Variants in MTX2 observed in about 807,000 individuals in gnomAD.
The protein encoded by MTX2 is metaxin 2, also known as metaxin-2.
MTX2 carries 35 observed loss-of-function variants against 42.3 expected under a neutral mutation model. The ratio of observed to expected loss-of-function variants is 0.83; its 90% CI spans 0.63 to 1.10. MTX2 has a LOEUF of 1.10. Among genes scored for constraint, MTX2 ranks in the 50% least tolerant of loss-of-function variants. The probability of loss-of-function intolerance (pLI) is 0.00; values close to 1 mark genes in which losing one functional copy is unlikely to be tolerated. For missense variants in MTX2, 307 were observed against 304.1 expected (o/e 1.01, Z -0.07); for synonymous variants, 119 against 100.9 (o/e 1.18, Z -1.08).
Position 176,281,963 on chromosome 2 carries a change from A to G in MTX2, c.40+12294A>G, listed in dbSNP as rs138074820. Among the ~76,000 whole-genome samples, 487 of 152,242 alleles carry G rather than the reference A, an allele frequency of 3.2e-3. 6 individuals are homozygous for G. The East Asian group carries it at 0.036, about 11-fold the overall frequency. On this transcript the variant is annotated intron_variant, in intron 1 of 9. Transcript: ENST00000249442. The stretch of plus-strand genomic sequence containing the variant: ...GGAGATAAGACAAGTATAGTTTTCA[A>G]ATACTCTGTAGATCATTTGTCTGTG...
Position 176,282,019 on chromosome 2 carries a change from G to A in MTX2, c.40+12350G>A, listed in dbSNP as rs1057451577. Among the ~76,000 whole-genome samples the A allele has an allele frequency of 9.2e-5, 14 of 151,774 alleles. No individual in the cohort carries two copies. The South Asian group carries it at 1.2e-3, about 14-fold the overall frequency. ...TTGATTAGGAACCACTGAATGATTC[G>A]GAGAGAAAGTGAATTCTTGAGTTTA... is the stretch of plus-strand genomic sequence containing the variant. On this transcript the variant is annotated intron_variant, in intron 1 of 9. Coordinates refer to ENST00000249442, the MANE Select transcript of MTX2 (RefSeq NM_006554.5).
intron 3 of MTX2, among the ~76,000 whole-genome samples, chr2:176,298,801 CTG>C (rs1230968749): frequency 6.6e-6 from 1 of 152,082 alleles, no homozygotes; most frequent in African/African-American, 2.4e-5. Flanking sequence ...TTTGAAGGCA[CTG>C]TGAATATTTT....
chr2:176,323,714 A>G (rs1016829708), intron 4 of MTX2, among the ~76,000 whole-genome samples: 1 of 151,786 alleles, frequency 6.6e-6, no homozygotes, highest in Non-Finnish European at 1.5e-5. Flanking sequence ...GAATTGTTTT[A>G]AATAGTAAAT....
At chr2:176,278,035 A>T (rs910628823) in intron 1 of MTX2, among the ~76,000 whole-genome samples, 2 of 145,712 alleles carry the variant, frequency 1.4e-5, no homozygotes, top group Admixed American at 7.0e-5. Flanking sequence ...GAATAGGTTG[A>T]AACTGGTTTT....
chr2:176,291,732 C>G (rs1042510472), intron 1 of MTX2, among the ~76,000 whole-genome samples: 3 of 152,064 alleles, frequency 2.0e-5, no homozygotes, highest in African/African-American at 7.2e-5. Context: ...TATGCAACTG[C>G]ACAGGTTACA....
chr2:176,308,528 T>G (rs1383244896), intron 3 of MTX2, among the ~76,000 whole-genome samples: 1 of 152,072 alleles, frequency 6.6e-6, no homozygotes, highest in African/African-American at 2.4e-5. Flanking sequence ...TCCTGGACGT[T>G]TTTTGGTTGG....
intron 1 of MTX2, among the ~76,000 whole-genome samples, chr2:176,293,199 C>T (rs1016348891): frequency 1.3e-5 from 2 of 152,146 alleles, no homozygotes; most frequent in East Asian, 1.9e-4. Context: ...CTTTTTCCCA[C>T]TCCAGGGATT....
intron 9 of MTX2, among the ~76,000 whole-genome samples, chr2:176,336,451 AC>A (rs1281512813): frequency 6.6e-6 from 1 of 152,130 alleles, no homozygotes; most frequent in African/African-American, 2.4e-5. Context: ...TGGTCCTATC[AC>A]CACAGCGAAA....
intron 1 of MTX2, among the ~76,000 whole-genome samples, chr2:176,285,116 A>G (rs568949536): frequency 6.6e-6 from 1 of 152,354 alleles, no homozygotes; most frequent in East Asian, 1.9e-4. Flanking sequence ...CACTGACTGT[A>G]GAGCAACACT....
intron 3 of MTX2, among the ~76,000 whole-genome samples, chr2:176,322,301 A>T (rs1684604242): frequency 6.6e-6 from 1 of 152,160 alleles, no homozygotes; most frequent in African/African-American, 2.4e-5. Context: ...AAGGAATTAT[A>T]ATAAACCTAT....
intron 3 of MTX2, among the ~76,000 whole-genome samples, chr2:176,315,794 G>A (rs111775491): frequency 8.1e-4 from 123 of 152,246 alleles, no homozygotes; most frequent in African/African-American, 2.9e-3. Flanking sequence ...GCCTGCTTCA[G>A]GTGTTTAAAC....
At chr2:176,278,842 G>A (rs1693011728) in intron 1 of MTX2, among the ~76,000 whole-genome samples, 1 of 151,956 alleles carries the variant, frequency 6.6e-6, no homozygotes, top group Admixed American at 6.6e-5. Context: ...TGCCTTGCCA[G>A]TAAAAGGGAT....
chr2:176,295,500 C>T (rs1683839289), intron 1 of MTX2, among the ~76,000 whole-genome samples: 2 of 152,026 alleles, frequency 1.3e-5, no homozygotes, highest in South Asian at 4.1e-4. Flanking sequence ...TTGGTATGTG[C>T]GTTGAAATTC....
At chr2:176,273,216 C>T (rs974375228) in intron 1 of MTX2, among the ~76,000 whole-genome samples, 2 of 152,174 alleles carry the variant, frequency 1.3e-5, no homozygotes, top group Non-Finnish European at 2.9e-5. Flanking sequence ...AACAATCCCA[C>T]CTGTTAATAC....
chr2:176,332,439 C>G (rs1684884339), intron 9 of MTX2, among the ~76,000 whole-genome samples: 1 of 151,228 alleles, frequency 6.6e-6, no homozygotes, highest in Non-Finnish European at 1.5e-5. Context: ...TCTGACATAT[C>G]TCTAAGTTAC....
chr2:176,317,550 G>A (rs1405630773), intron 3 of MTX2, among the ~76,000 whole-genome samples: 1 of 152,064 alleles, frequency 6.6e-6, no homozygotes, highest in Non-Finnish European at 1.5e-5. Context: ...ACATGTGGAT[G>A]TCACTGTAGA....
chr2:176,318,978 GTGAC>G (rs1684510439), intron 3 of MTX2, among the ~76,000 whole-genome samples: 1 of 152,328 alleles, frequency 6.6e-6, no homozygotes, highest in African/African-American at 2.4e-5. Context: ...GGAGCCACAT[GTGAC>G]TAGTGGCTAC....
At chr2:176,294,981 C>T (rs1880225) in intron 1 of MTX2, among the ~76,000 whole-genome samples, 9,075 of 152,192 alleles carry the variant, frequency 0.06, 305 homozygotes, top group Non-Finnish European at 0.08. Flanking sequence ...TATCCTGTTA[C>T]CTTAACATAG....
At chr2:176,309,315 T>C (rs899874534) in intron 3 of MTX2, among the ~76,000 whole-genome samples, 6 of 152,328 alleles carry the variant, frequency 3.9e-5, no homozygotes, top group Middle Eastern at 3.4e-3. Context: ...CTTCCAATTA[T>C]GTGGTCAATT....
Sources: allele counts gnomAD v4.1 joint callset (sites outside exome capture counted in the v4.1 genomes callset), GRCh38; gene constraint gnomAD v4.1.1; transcripts MANE v1.5; gene names NCBI Gene and HGNC (gene_info 2026-07-23, HGNC 2026-07-21).